ALCAM: variants seen among roughly 807,000 people sequenced by gnomAD.
The protein encoded by ALCAM is activated leukocyte cell adhesion molecule, also known as CD166 antigen.
Under a neutral mutation model 70.9 loss-of-function variants are expected in ALCAM, and 30 were observed. The ratio of observed to expected loss-of-function variants is 0.42; its 90% CI spans 0.32 to 0.57. The LOEUF (loss-of-function observed/expected upper bound fraction) is 0.57, where lower values mean the gene tolerates loss of function less well. ALCAM is among the 20% of genes least tolerant of loss of function. The probability of loss-of-function intolerance (pLI) is 0.11; values close to 1 mark genes in which losing one functional copy is unlikely to be tolerated. For synonymous variants in ALCAM, 249 were observed against 242.5 expected (o/e 1.03, Z -0.25); for missense variants, 591 against 695.1 (o/e 0.85, Z 1.68).
At chr3:105,509,541 C>CT (rs1939175818) in intron 1 of ALCAM, among the ~76,000 whole-genome samples, 1 of 151,444 alleles carries the variant, frequency 6.6e-6, no homozygotes. Context: ...GGTCATGTGC[C>CT]TGTTTTTTTT....
intron 3 of ALCAM, among the ~76,000 whole-genome samples, chr3:105,527,245 C>T (rs1381514638): frequency 2.0e-5 from 3 of 152,096 alleles, no homozygotes; most frequent in Non-Finnish European, 4.4e-5. Context: ...CCCAAAGATT[C>T]GTTCTAGTGA....
chr3:105,554,222 C>G (rs1940471168), intron 14 of ALCAM, among the ~76,000 whole-genome samples: 2 of 151,768 alleles, frequency 1.3e-5, no homozygotes, highest in South Asian at 4.1e-4. Context: ...TAGTTCCAGG[C>G]TATGTCCAAA....
At chr3:105,481,997 C>A (rs929458747) in intron 1 of ALCAM, among the ~76,000 whole-genome samples, 3 of 149,250 alleles carry the variant, frequency 2.0e-5, no homozygotes, top group Non-Finnish European at 4.5e-5. Flanking sequence ...TAACAGATTT[C>A]GTAGCCGTAG....
intron 1 of ALCAM, among the ~76,000 whole-genome samples, chr3:105,380,566 T>C (rs1378016780): frequency 6.6e-6 from 1 of 151,882 alleles, no homozygotes. Flanking sequence ...CACTTGTATG[T>C]TTGAGTCAGT....
intron 1 of ALCAM, among the ~76,000 whole-genome samples, chr3:105,413,870 A>G (rs535985554): frequency 1.3e-4 from 20 of 152,302 alleles, no homozygotes; most frequent in Non-Finnish European, 2.4e-4. Context: ...TGGAAGAATA[A>G]ATAATTAGTT....
intron 1 of ALCAM, among the ~76,000 whole-genome samples, chr3:105,472,355 C>T (rs1344536346): frequency 6.6e-6 from 1 of 151,440 alleles, no homozygotes; most frequent in Non-Finnish European, 1.5e-5. Context: ...AGAAGACAGA[C>T]TGGGAAAGCT....
intron 1 of ALCAM, among the ~76,000 whole-genome samples, chr3:105,477,763 T>A (rs1938160459): frequency 6.6e-6 from 1 of 152,110 alleles, no homozygotes; most frequent in Non-Finnish European, 1.5e-5. Context: ...AAGCACTGAT[T>A]TTTTTAATGT....
intron 1 of ALCAM, among the ~76,000 whole-genome samples, chr3:105,445,610 A>G (rs1348623603): frequency 6.6e-6 from 1 of 152,342 alleles, no homozygotes; most frequent in East Asian, 1.9e-4. Flanking sequence ...CTAAAACAGC[A>G]TGGTACTGGC....
chr3:105,544,442 G>C (rs1016294818), intron 8 of ALCAM, among the ~76,000 whole-genome samples: 2 of 151,386 alleles, frequency 1.3e-5, no homozygotes, highest in African/African-American at 4.8e-5. Context: ...TCTGTTTCTA[G>C]CCTGCCTTTC....
At chr3:105,474,545 C>T (rs1430532808) in intron 1 of ALCAM, among the ~76,000 whole-genome samples, 1 of 151,398 alleles carries the variant, frequency 6.6e-6, no homozygotes, top group Non-Finnish European at 1.5e-5. Flanking sequence ...GCTAAAAAAG[C>T]TCTGCCTTTA....
intron 1 of ALCAM, among the ~76,000 whole-genome samples, chr3:105,477,136 A>G (rs886746618): frequency 4.6e-5 from 7 of 152,072 alleles, no homozygotes; most frequent in African/African-American, 1.7e-4. Context: ...AGTTTCAGGT[A>G]TGTCTTTATC....
At chr3:105,504,772 T>G (rs1478269468) in intron 1 of ALCAM, among the ~76,000 whole-genome samples, 4 of 152,124 alleles carry the variant, frequency 2.6e-5, no homozygotes, top group Non-Finnish European at 5.9e-5. Context: ...AAATGCAACA[T>G]TTGGGCAGGA....
chr3:105,367,154 C>T lies in ALCAM; in HGVS notation c.-255C>T. On this transcript the variant is annotated 5_prime_UTR_variant, in exon 1 of 16. Coordinates refer to ENST00000306107, the MANE Select transcript of ALCAM (RefSeq NM_001627.4). ...CTCCTGGAAACAGAGGGTCGTTGTC[C>T]CCGGAGGAGCAGCCGAAGGGCCCGT... 1 of 523,124 alleles carries T rather than the reference C, an allele frequency of 1.9e-6. No individual in the cohort carries two copies. Among genetic ancestry groups the T allele is most frequent in the Non-Finnish European group, 3.5e-6 (1 of 288,110 alleles). The allele number at this position is 523,124 out of a possible 1,614,324, so 32.4% of individuals were successfully genotyped here. A position where few individuals can be genotyped will look rare whatever the true frequency, so the allele number is the denominator to read the frequency against.
chr3:105,536,065 T>G (rs1939960453), intron 6 of ALCAM, among the ~76,000 whole-genome samples: 1 of 151,960 alleles, frequency 6.6e-6, no homozygotes, highest in African/African-American at 2.4e-5. Context: ...AATCAAACTT[T>G]TTTAGGTGAA....
At chr3:105,415,155 G>A (rs1346185433) in intron 1 of ALCAM, among the ~76,000 whole-genome samples, 1 of 152,050 alleles carries the variant, frequency 6.6e-6, no homozygotes, top group Non-Finnish European at 1.5e-5. Flanking sequence ...CCATTTTCCC[G>A]TGCTTATTTA....
intron 14 of ALCAM, among the ~76,000 whole-genome samples, chr3:105,557,255 C>T (rs940332693): frequency 6.6e-6 from 1 of 152,078 alleles, no homozygotes; most frequent in Non-Finnish European, 1.5e-5. Context: ...CATGACCTAG[C>T]AGGCTGCCAG....
chr3:105,484,809 G>T (rs1345776450), intron 1 of ALCAM, among the ~76,000 whole-genome samples: 1 of 152,058 alleles, frequency 6.6e-6, no homozygotes, highest in Non-Finnish European at 1.5e-5. Context: ...TCATGGACAT[G>T]TGCCACCAGA....
At chr3:105,540,499 A>G (rs1940090868) in intron 7 of ALCAM, among the ~76,000 whole-genome samples, 1 of 152,038 alleles carries the variant, frequency 6.6e-6, no homozygotes, top group African/African-American at 2.4e-5. Flanking sequence ...AAGTAGGGAT[A>G]GTTCTGTTGC....
intron 1 of ALCAM, among the ~76,000 whole-genome samples, chr3:105,412,712 G>A (rs1270630965): frequency 1.3e-5 from 2 of 152,016 alleles, no homozygotes; most frequent in African/African-American, 2.4e-5. Context: ...AGCAAATGAC[G>A]TTTTGTTTAA....
Sources: gnomAD v4.1 joint callset for allele counts (sites outside exome capture counted in the v4.1 genomes callset) on GRCh38, gnomAD v4.1.1 for gene constraint, MANE v1.5 for transcripts, NCBI Gene and HGNC (gene_info 2026-07-23, HGNC 2026-07-21) for gene names.